WDPCP: variants seen among roughly 807,000 people sequenced by gnomAD.
The protein encoded by WDPCP is WD repeat containing planar cell polarity effector.
In WDPCP, 71 loss-of-function variants were observed where a neutral mutation model predicts 93.1. The ratio of observed to expected loss-of-function variants is 0.76; its 90% CI spans 0.63 to 0.93. The LOEUF is 0.93. Ranked by LOEUF, WDPCP falls within the 40% of genes least tolerant of loss-of-function variation. WDPCP has a pLI of 0.00. For synonymous variants in WDPCP, 315 were observed against 315.0 expected, an observed-to-expected ratio of 1.00 and a Z score of 0.00; for missense variants, 844 against 887.4, an observed-to-expected ratio of 0.95 and a Z score of 0.62.
intron 12 of WDPCP, among the ~76,000 whole-genome samples, chr2:63,327,357 A>C (rs1425143159): frequency 3.3e-5 from 5 of 152,220 alleles, no homozygotes; most frequent in Non-Finnish European, 5.9e-5. Flanking sequence ...AAAAATTAAA[A>C]TCCCAAACTT....
chr2:63,510,444 A>G (rs1362205310), intron 1 of WDPCP, among the ~76,000 whole-genome samples: 1 of 152,218 alleles, frequency 6.6e-6, no homozygotes, highest in Non-Finnish European at 1.5e-5. Flanking sequence ...AAATAACAAG[A>G]GCTATTTATG....
At chr2:63,699,321 T>A (rs1308678208) in intron 2 of WDPCP, among the ~76,000 whole-genome samples, 1 of 152,238 alleles carries the variant, frequency 6.6e-6, no homozygotes, top group Non-Finnish European at 1.5e-5. Context: ...ATTCAAAATG[T>A]CCTCGTGAAA....
chr2:63,451,095 G>A (rs1052577436), intron 6 of WDPCP, among the ~76,000 whole-genome samples: 4 of 151,656 alleles, frequency 2.6e-5, no homozygotes, highest in Admixed American at 6.6e-5. Flanking sequence ...ATAATACTAC[G>A]AAATAAGAAA....
intron 3 of WDPCP, among the ~76,000 whole-genome samples, chr2:63,617,443 T>C (rs533077497): frequency 2.0e-5 from 3 of 152,278 alleles, no homozygotes; most frequent in African/African-American, 4.8e-5. Flanking sequence ...CATAGATTAA[T>C]AGGAGAAAAA....
intron 1 of WDPCP, among the ~76,000 whole-genome samples, chr2:63,550,238 CA>C (rs370123794): frequency 0.025 from 262 of 10,340 alleles, 3 homozygotes; most frequent in African/African-American, 0.13. Context: ...CACACACACA[CA>C]CCCTTCCTCT....
intron 3 of WDPCP, among the ~76,000 whole-genome samples, chr2:63,620,665 G>C (rs1026420181): frequency 2.6e-5 from 4 of 152,228 alleles, no homozygotes; most frequent in Non-Finnish European, 5.9e-5. Context: ...CACAGTGCTT[G>C]AGCTCTGCTA....
chr2:63,607,447 G>A lies in WDPCP; in HGVS notation n.488+43212C>T, dbSNP rs374626723. 4.6e-5 allele frequency among the ~76,000 whole-genome samples: 7 copies of A among 152,066 alleles called. No homozygotes were observed. In the East Asian group the frequency reaches 7.7e-4, roughly 17 times the overall value. ...AGCTACTTGGGAGGATGAGGTAGGA[G>A]AATAGGTTGTCCCGGGGGGCGGAAG... On this transcript the variant is annotated intron_variant and non_coding_transcript_variant, in intron 3 of 4. Transcript: ENST00000467687.
intron 13 of WDPCP, among the ~76,000 whole-genome samples, chr2:63,289,500 T>C (rs1209826359): frequency 2.0e-5 from 3 of 152,078 alleles, no homozygotes; most frequent in Non-Finnish European, 4.4e-5. Flanking sequence ...TCATAGATAT[T>C]TGGATGTAAT....
intron 1 of WDPCP, among the ~76,000 whole-genome samples, chr2:63,572,699 C>A (rs1242404006): frequency 3.0e-4 from 1 of 3,338 alleles, no homozygotes; most frequent in Non-Finnish European, 3.8e-4. Context: ...GAGACTCTGT[C>A]TCAAAAAAAA....
intron 2 of WDPCP, among the ~76,000 whole-genome samples, chr2:63,734,801 C>T (rs1203502352): frequency 2.0e-5 from 3 of 151,910 alleles, no homozygotes; most frequent in African/African-American, 7.3e-5. Context: ...CTTAGTTTTC[C>T]TCACTGAAAC....
At chr2:63,267,892 A>G (rs1682275056) in intron 13 of WDPCP, among the ~76,000 whole-genome samples, 1 of 152,202 alleles carries the variant, frequency 6.6e-6, no homozygotes. Flanking sequence ...GCAAATTAGT[A>G]CAGCCATTTT....
At chr2:63,805,563 T>C (rs533798475) in intron 2 of WDPCP, among the ~76,000 whole-genome samples, 5 of 152,314 alleles carry the variant, frequency 3.3e-5, no homozygotes, top group East Asian at 1.9e-4. Flanking sequence ...TGCAGATTAA[T>C]GGCTGTCAGC....
chr2:63,208,027 A>C (rs1312910370), intron 14 of WDPCP, among the ~76,000 whole-genome samples: 1 of 151,932 alleles, frequency 6.6e-6, no homozygotes. Flanking sequence ...TTCTAACATG[A>C]TTTTTTTGTT....
At chr2:63,715,131 T>C (rs568847574) in intron 2 of WDPCP, among the ~76,000 whole-genome samples, 1 of 152,312 alleles carries the variant, frequency 6.6e-6, no homozygotes, top group Admixed American at 6.5e-5. Context: ...AGCAGATAGA[T>C]GGTTTCTAGG....
intron 1 of WDPCP, among the ~76,000 whole-genome samples, chr2:63,825,611 T>A (rs1304806662): frequency 1.3e-5 from 2 of 151,896 alleles, no homozygotes; most frequent in Non-Finnish European, 2.9e-5. Context: ...TTTCTGATTT[T>A]ATACATCCAG....
At chr2:63,805,410 C>T (rs1670750319) in intron 2 of WDPCP, among the ~76,000 whole-genome samples, 4 of 152,196 alleles carry the variant, frequency 2.6e-5, no homozygotes, top group Admixed American at 2.6e-4. Context: ...TATTTCCTAA[C>T]ATACTCTGCC....
intron 13 of WDPCP, among the ~76,000 whole-genome samples, chr2:63,278,937 A>C (rs1047237111): frequency 2.0e-5 from 3 of 152,226 alleles, no homozygotes; most frequent in Admixed American, 6.5e-5. Context: ...AGATTAAACC[A>C]GGGAGATATA....
chr2:63,697,597 T>C (rs185874480), intron 2 of WDPCP, among the ~76,000 whole-genome samples: 1 of 152,320 alleles, frequency 6.6e-6, no homozygotes, highest in Admixed American at 6.5e-5. Context: ...AAGTGATTCT[T>C]ATTTCCTTTT....
intron 3 of WDPCP, among the ~76,000 whole-genome samples, chr2:63,603,505 T>A (rs565073875): frequency 1.1e-4 from 17 of 152,228 alleles, no homozygotes; most frequent in African/African-American, 4.1e-4. Context: ...CTTAAAATAT[T>A]TTTCCACATT....
Sources: gnomAD v4.1 joint callset for allele counts (sites outside exome capture counted in the v4.1 genomes callset) on GRCh38, gnomAD v4.1.1 for gene constraint, MANE v1.5 for transcripts, NCBI Gene and HGNC (gene_info 2026-07-23, HGNC 2026-07-21) for gene names.